The following INPP5F variants were observed in gnomAD, a reference collection of about 807,000 sequenced individuals.
INPP5F encodes inositol polyphosphate-5-phosphatase F.
In INPP5F, 97 loss-of-function variants were observed where a neutral mutation model predicts 137.2. The observed-to-expected ratio is 0.71, with a 90% CI of 0.60 to 0.84. INPP5F has a LOEUF of 0.84. Ranked by LOEUF, INPP5F falls within the 40% of genes least tolerant of loss-of-function variation. The pLI, the probability that INPP5F is intolerant of heterozygous loss-of-function variation, is 0.00. For synonymous variants in INPP5F, 504 were observed against 476.9 expected (o/e 1.06, Z -0.74); for missense variants, 1,271 against 1,371.9 (o/e 0.93, Z 1.16).
chr10:119,739,022 GAA>G (rs11418849), intron 1 of INPP5F, among the ~76,000 whole-genome samples: 1 of 146,324 alleles, frequency 6.8e-6, no homozygotes, highest in African/African-American at 2.5e-5. Context: ...TCTCTACTAA[GAA>G]AAAAAAAAAA....
chr10:119,763,032 C>G (rs1305213314), intron 2 of INPP5F, among the ~76,000 whole-genome samples: 3 of 152,172 alleles, frequency 2.0e-5, no homozygotes, highest in Non-Finnish European at 4.4e-5. Flanking sequence ...AGCTGCAAAC[C>G]TGTGAAACCA....
chr10:119,824,412 C>T (rs1589760497), intron 19 of INPP5F, among the ~76,000 whole-genome samples: 2 of 152,214 alleles, frequency 1.3e-5, no homozygotes, highest in South Asian at 4.2e-4. Context: ...GTAGAACATC[C>T]CTCCATGTAG....
rs995522989 is a variant in INPP5F at position 119,726,055 on chromosome 10, G to T, written c.-208G>T. On this transcript the variant is annotated 5_prime_UTR_variant, in exon 1 of 20. Transcript: ENST00000650623. ...GGAAGGGGAGGAGCGGGGGGGAGAG[G>T]CCTCTACGGCCGCCGCTGCCGCCGC... 1.1e-5 allele frequency: 4 copies of T among 359,624 alleles called. No homozygotes were observed. The highest frequency in any genetic ancestry group is 7.7e-4 in the Middle Eastern group (1 of 1,302). The allele number at this position is 359,624 out of a possible 1,614,324, so 22.3% of individuals were successfully genotyped here. A position where few individuals can be genotyped will look rare whatever the true frequency, so the allele number is the denominator to read the frequency against.
At chr10:119,760,889 T>A (rs559982523) in intron 2 of INPP5F, among the ~76,000 whole-genome samples, 1 of 152,336 alleles carries the variant, frequency 6.6e-6, no homozygotes, top group African/African-American at 2.4e-5. Context: ...TGCTGGAGTT[T>A]AGTGGCTAGG....
chr10:119,799,497 T>C (rs760031561), intron 9 of INPP5F, among the ~76,000 whole-genome samples: 2 of 152,064 alleles, frequency 1.3e-5, no homozygotes, highest in African/African-American at 2.4e-5. Flanking sequence ...CCTAAATTAA[T>C]ATATAAATTT....
chr10:119,743,248 G>T (rs938780188), intron 1 of INPP5F, among the ~76,000 whole-genome samples: 5 of 152,168 alleles, frequency 3.3e-5, no homozygotes, highest in Non-Finnish European at 7.3e-5. Context: ...CAAATGATCT[G>T]ATTTCAACTT....
At chr10:119,775,157 G>A (rs1849482074) in intron 2 of INPP5F, among the ~76,000 whole-genome samples, 1 of 152,058 alleles carries the variant, frequency 6.6e-6, no homozygotes, top group Non-Finnish European at 1.5e-5. Context: ...TCCTTAGGGG[G>A]AAAAATCAAT....
intron 16 of INPP5F, among the ~76,000 whole-genome samples, chr10:119,821,804 GGTTT>G (rs1030861296): frequency 6.6e-6 from 1 of 150,602 alleles, no homozygotes; most frequent in Non-Finnish European, 1.5e-5. Context: ...TTAGGTTTTA[GGTTT>G]GTTTTCATTT....
At chr10:119,797,306 C>G (rs984047323) in intron 7 of INPP5F, among the ~76,000 whole-genome samples, 155 bp from the exon 8 acceptor site, 2 of 152,106 alleles carry the variant, frequency 1.3e-5, no homozygotes, top group African/African-American at 4.8e-5. Context: ...CATACAGTTA[C>G]GATTTTGGGT....
Position 119,811,872 on chromosome 10 carries a change from G to T in INPP5F, c.1803G>T (p.Gln601His). Residue 601 changes from glutamine (Q) to histidine (H), a missense_variant, in exon 15 of 20, where the codon CAG (glutamine) becomes CAT (histidine). Gln to His is a conservative substitution (Grantham distance 24). Around this residue, in one of 6 missense-constraint regions of INPP5F, gnomAD observed 593 missense variants for 712.4 expected, o/e 0.83. Transcript: ENST00000650623. ...NQRSHQELIS[Q>H]LLQSYMKLLL... ...GAAGCCACCAGGAACTAATTAGCCAGCTCTTACAAAGTTACATGAAGTTAC... is the reference window on the plus strand; with the variant it reads ...GAAGCCACCAGGAACTAATTAGCCATCTCTTACAAAGTTACATGAAGTTAC... The T allele has an allele frequency of 6.2e-7, 1 of 1,614,170 alleles. No individual in the cohort carries two copies. Among genetic ancestry groups the T allele is most frequent in the Middle Eastern group, 1.6e-4 (1 of 6,062 alleles).
intron 1 of INPP5F, among the ~76,000 whole-genome samples, chr10:119,732,609 C>T (rs945529946): frequency 6.9e-6 from 1 of 145,094 alleles, no homozygotes; most frequent in African/African-American, 2.6e-5. Context: ...AAGCAGTTCT[C>T]TCTGCCTCAG....
intron 2 of INPP5F, among the ~76,000 whole-genome samples, chr10:119,755,328 G>A (rs1381914113): frequency 6.6e-6 from 1 of 152,138 alleles, no homozygotes; most frequent in Non-Finnish European, 1.5e-5. Context: ...GCTTGTACAT[G>A]GCCACCATCC....
chr10:119,730,878 C>T (rs1848042774), intron 1 of INPP5F, among the ~76,000 whole-genome samples: 1 of 151,970 alleles, frequency 6.6e-6, no homozygotes, highest in African/African-American at 2.4e-5. Context: ...ACCTCTGCCT[C>T]CCAGGTTCAA....
intron 11 of INPP5F, among the ~76,000 whole-genome samples, chr10:119,805,823 A>T (rs1401965153): frequency 2.0e-5 from 3 of 152,216 alleles, no homozygotes; most frequent in African/African-American, 7.2e-5. Flanking sequence ...AGGCATTTCA[A>T]AATTATCAGA....
At chr10:119,742,279 C>T (rs1284954265) in intron 1 of INPP5F, among the ~76,000 whole-genome samples, 2 of 152,074 alleles carry the variant, frequency 1.3e-5, no homozygotes, top group Admixed American at 6.6e-5. Flanking sequence ...TTTAGTTTCC[C>T]GAGTAGCTGG....
intron 2 of INPP5F, among the ~76,000 whole-genome samples, chr10:119,754,131 G>A (rs142640424): frequency 2.0e-5 from 3 of 152,310 alleles, no homozygotes; most frequent in East Asian, 3.9e-4. Flanking sequence ...GTGAGTCCAC[G>A]TTAGACTTCT....
chr10:119,817,671 C>A (rs146547534), intron 15 of INPP5F, among the ~76,000 whole-genome samples: 1 of 152,000 alleles, frequency 6.6e-6, no homozygotes, highest in African/African-American at 2.4e-5. Flanking sequence ...AACGCTTTGC[C>A]AAGTTTTTAA....
At chr10:119,784,414 A>G (rs1440610736) in intron 3 of INPP5F, among the ~76,000 whole-genome samples, 2 of 152,234 alleles carry the variant, frequency 1.3e-5, no homozygotes, top group African/African-American at 4.8e-5. Context: ...TTTTTTAAGA[A>G]CATAGGAAGA....
At chr10:119,806,087 T>A (rs1025845412) in intron 11 of INPP5F, among the ~76,000 whole-genome samples, 2 of 152,112 alleles carry the variant, frequency 1.3e-5, no homozygotes, top group African/African-American at 2.4e-5. Flanking sequence ...CTTGGGATGA[T>A]GTCAGCTCTG....
Sources: allele counts gnomAD v4.1 joint callset (sites outside exome capture counted in the v4.1 genomes callset), GRCh38; gene constraint gnomAD v4.1.1; regional missense constraint gnomAD v4.1.1; transcripts MANE v1.5; gene names NCBI Gene and HGNC (gene_info 2026-07-23, HGNC 2026-07-21).